The following AGBL1 variants were observed in gnomAD, a reference collection of about 807,000 sequenced individuals.
AGBL1 encodes AGBL carboxypeptidase 1.
A neutral mutation model predicts 118.9 loss-of-function variants in AGBL1; 130 were observed. The observed-to-expected ratio is 1.09, with a 90% CI of 0.95 to 1.26. AGBL1 has a LOEUF of 1.26. AGBL1 is among the 50% of genes most tolerant of loss of function. AGBL1 has a pLI of 0.00. For missense variants in AGBL1, 1,584 were observed against 1,298.1 expected (o/e 1.22, Z -3.38); for synonymous variants, 555 against 478.9 (o/e 1.16, Z -2.08).
chr15:86,672,036 T>C (rs8036577), intron 21 of AGBL1, among the ~76,000 whole-genome samples: 133,111 of 152,230 alleles, frequency 0.87, 58,449 homozygotes, highest in South Asian at 0.95. Context: ...AGCGCCACTG[T>C]ACTCCAGCTT....
At chr15:86,268,545 T>G (rs767402907) in intron 13 of AGBL1, among the ~76,000 whole-genome samples, 2 of 152,156 alleles carry the variant, frequency 1.3e-5, no homozygotes, top group Non-Finnish European at 2.9e-5. Flanking sequence ...AAATCCTAAA[T>G]TCATCAGTTA....
chr15:86,715,213 T>A (rs1219365685), intron 22 of AGBL1, among the ~76,000 whole-genome samples: 1 of 152,170 alleles, frequency 6.6e-6, no homozygotes, highest in East Asian at 1.9e-4. Context: ...TGGGGGAAAA[T>A]AATCTAAATC....
At chr15:86,250,601 C>CAAGTTTATGT (rs1045046817) in intron 7 of AGBL1, among the ~76,000 whole-genome samples, 1 of 121,362 alleles carries the variant, frequency 8.2e-6, no homozygotes, top group African/African-American at 3.0e-5. Context: ...AAAATGTTAT[C>CAAGTTTATGT]AAGTTTATGT....
intron 3 of AGBL1, 62 bp from the exon 4 acceptor site, chr15:86,154,368 C>T: frequency 1.3e-6 from 2 of 1,560,956 alleles, no homozygotes; most frequent in East Asian, 2.3e-5. Context: ...CTCCACTGTA[C>T]TCATTGTACA....
At position 86,262,646 on chromosome 15, in the gene AGBL1, G is replaced by A. The variant is rs146704753; in HGVS notation, c.970-132G>A. On this transcript the variant is annotated intron_variant, in intron 9 of 22. Transcript: ENST00000614907. ...CAGCATAACAAATTCTTCACTGGATGGGCCAGTGCTATAATTTGGAGGCAA... is the reference window on the plus strand; with the variant it reads ...CAGCATAACAAATTCTTCACTGGATAGGCCAGTGCTATAATTTGGAGGCAA... The A allele has an allele frequency of 8.9e-4, 632 of 707,110 alleles. 6 individuals are homozygous for A. The East Asian group carries it at 0.015, about 17-fold the overall frequency. The allele number at this position is 707,110 out of a possible 1,614,324, so 43.8% of individuals were successfully genotyped here.
intron 22 of AGBL1, among the ~76,000 whole-genome samples, chr15:86,754,854 T>A (rs773143148): frequency 6.6e-6 from 1 of 152,102 alleles, no homozygotes; most frequent in Non-Finnish European, 1.5e-5. Context: ...CAATCTGTCC[T>A]TTACCTGGCA....
chr15:86,142,966 C>G (rs1171991176), intron 2 of AGBL1, among the ~76,000 whole-genome samples: 3 of 152,198 alleles, frequency 2.0e-5, no homozygotes, highest in Admixed American at 2.0e-4. Context: ...TAATGTACCA[C>G]CCTGTTGGCC....
rs530329892 is a variant in AGBL1, at chr15:86,416,564, C to G, written c.2555+19018C>G. On this transcript the variant is annotated intron_variant, in intron 18 of 22. Transcript: ENST00000614907. Reference sequence around the variant, plus strand: ...TCCATCTGATCTCAGGTGGGGAACACTTTTTTATAAAAAAAAAATGTAATT... The same window carrying G: ...TCCATCTGATCTCAGGTGGGGAACAGTTTTTTATAAAAAAAAAATGTAATT... Among the ~76,000 whole-genome samples, 5 of 151,144 alleles carry G rather than the reference C, an allele frequency of 3.3e-5. No homozygotes were observed. In the East Asian group the frequency reaches 9.7e-4, roughly 29 times the overall value.
At chr15:86,995,987 C>T (rs1044191711) in intron 24 of AGBL1, among the ~76,000 whole-genome samples, 2 of 152,144 alleles carry the variant, frequency 1.3e-5, no homozygotes, top group Non-Finnish European at 2.9e-5. Context: ...CTCTTCTTCA[C>T]TTGGATGAGT....
chr15:86,555,989 G>A (rs779476757), intron 21 of AGBL1, among the ~76,000 whole-genome samples: 1 of 152,180 alleles, frequency 6.6e-6, no homozygotes, highest in Admixed American at 6.5e-5. Flanking sequence ...GTCTTGATGG[G>A]AAGGGGCTTG....
intron 21 of AGBL1, among the ~76,000 whole-genome samples, chr15:86,611,951 CTCAGTAGAGG>C (rs1268582056): frequency 1.3e-5 from 2 of 152,246 alleles, no homozygotes; most frequent in African/African-American, 2.4e-5. Flanking sequence ...GAGTGTTCTG[CTCAGTAGAGG>C]TCAGAACACA....
intron 23 of AGBL1, among the ~76,000 whole-genome samples, chr15:86,974,498 T>G (rs1216082549): frequency 7.6e-6 from 1 of 132,174 alleles, no homozygotes; most frequent in African/African-American, 2.7e-5. Context: ...ACATATTTTA[T>G]ATATTGAATA....
intron 17 of AGBL1, among the ~76,000 whole-genome samples, chr15:86,345,845 G>T (rs1177006398): frequency 1.3e-5 from 2 of 152,186 alleles, no homozygotes; most frequent in African/African-American, 4.8e-5. Context: ...CTCTGGATCA[G>T]GGTCATTGGC....
chr15:86,611,866 A>C (rs2084660959), intron 21 of AGBL1, among the ~76,000 whole-genome samples: 2 of 152,180 alleles, frequency 1.3e-5, no homozygotes, highest in Admixed American at 6.5e-5. Flanking sequence ...ACAGAACCAC[A>C]AGACTGCCAA....
At chr15:86,110,659 T>A (rs1567060594) in intron 1 of AGBL1, among the ~76,000 whole-genome samples, 1 of 152,176 alleles carries the variant, frequency 6.6e-6, no homozygotes. Flanking sequence ...GCTCAAGAAC[T>A]AGCTGTGTGA....
chr15:86,887,016 G>A (rs1234338620), intron 22 of AGBL1, among the ~76,000 whole-genome samples: 1 of 152,158 alleles, frequency 6.6e-6, no homozygotes, highest in East Asian at 1.9e-4. Flanking sequence ...TTAGTGGAAT[G>A]CTCACAGAGT....
At chr15:86,365,462 A>G (rs1316051525) in intron 17 of AGBL1, among the ~76,000 whole-genome samples, 1 of 152,088 alleles carries the variant, frequency 6.6e-6, no homozygotes, top group Admixed American at 6.6e-5. Flanking sequence ...GTTACCCAAG[A>G]TGGAGGGGTG....
intron 22 of AGBL1, among the ~76,000 whole-genome samples, chr15:86,815,428 G>C (rs917868094): frequency 2.6e-5 from 4 of 152,104 alleles, no homozygotes; most frequent in African/African-American, 9.7e-5. Context: ...CTTACTGCAA[G>C]GAGTGGGGGT....
Position 86,269,927 on chromosome 15 carries a change from A to T in AGBL1, c.1847A>T (p.Tyr616Phe). 1.2e-6 allele frequency: 2 copies of T among 1,613,798 alleles called. No homozygotes were observed. Among genetic ancestry groups the T allele is most frequent in the Non-Finnish European group, 1.7e-6 (2 of 1,179,762 alleles). Residue 616 changes from tyrosine to phenylalanine, a missense_variant, in exon 14 of 23, where the codon TAT (tyrosine) becomes TTT (phenylalanine). Tyr to Phe is a conservative substitution (Grantham distance 22). Transcript: ENST00000614907. ...TTGCTTCTGATCTGCAGGTTCGAGT[A>T]TGACTTGCTGGTCAACGCAGATGTG... is the stretch of plus-strand genomic sequence containing the variant. ...RKAIQVREFE[Y>F]DLLVNADVNS...
Sources: allele counts gnomAD v4.1 joint callset (sites outside exome capture counted in the v4.1 genomes callset), GRCh38; gene constraint gnomAD v4.1.1; transcripts MANE v1.5; gene names NCBI Gene and HGNC (gene_info 2026-07-23, HGNC 2026-07-21).